The following PDE11A variants were observed in gnomAD, a reference collection of about 807,000 sequenced individuals.
PDE11A encodes phosphodiesterase 11A.
In PDE11A, 100 loss-of-function variants were observed where a neutral mutation model predicts 100.5. That is an observed-to-expected ratio of 1.00 (90% CI 0.85 to 1.18). The LOEUF (loss-of-function observed/expected upper bound fraction) is 1.18, where lower values mean the gene tolerates loss of function less well. Ranked by LOEUF, PDE11A falls within the 50% of genes most tolerant of loss-of-function variation. PDE11A has a pLI of 0.00. For synonymous variants in PDE11A, 381 were observed against 420.8 expected (o/e 0.91, Z 1.16); for missense variants, 1,141 against 1,152.6 (o/e 0.99, Z 0.15).
At chr2:177,693,124 C>T (rs16865625) in intron 15 of PDE11A, among the ~76,000 whole-genome samples, 2,669 of 152,260 alleles carry the variant, frequency 0.018, 76 homozygotes, top group African/African-American at 0.06. Context: ...ACTAATTGTA[C>T]GGGGAGCCTA....
chr2:177,675,366 GC>G (rs1242125134), intron 17 of PDE11A, 88 bp downstream of exon 17: 2 of 927,840 alleles, frequency 2.2e-6, no homozygotes, highest in Non-Finnish European at 3.6e-6. Context: ...GGGTTTCAGT[GC>G]CTGGTAGTCA....
intron 2 of PDE11A, among the ~76,000 whole-genome samples, chr2:177,991,149 C>T (rs2085999100): frequency 6.7e-6 from 1 of 149,834 alleles, no homozygotes; most frequent in Non-Finnish European, 1.5e-5. Context: ...CATGGTAAAA[C>T]CACCATCTCT....
intron 9 of PDE11A, among the ~76,000 whole-genome samples, chr2:177,804,486 T>C (rs1043850345): frequency 4.6e-5 from 7 of 151,746 alleles, no homozygotes; most frequent in African/African-American, 1.4e-4. Context: ...TGATAGGAAT[T>C]AGTAAATCTT....
chr2:177,996,874 C>G (rs1395801636), intron 2 of PDE11A, among the ~76,000 whole-genome samples: 1 of 152,174 alleles, frequency 6.6e-6, no homozygotes, highest in Non-Finnish European at 1.5e-5. Context: ...AATTTCACTA[C>G]ATTTTAGAAT....
At chr2:178,001,526 A>G (rs1274984191) in intron 2 of PDE11A, among the ~76,000 whole-genome samples, 1 of 152,074 alleles carries the variant, frequency 6.6e-6, no homozygotes, top group Non-Finnish European at 1.5e-5. Context: ...TTAGATATCA[A>G]CTCTGATTAC....
chr2:177,863,512 A>G (rs1324804933), intron 5 of PDE11A, among the ~76,000 whole-genome samples: 2 of 152,098 alleles, frequency 1.3e-5, no homozygotes, highest in Non-Finnish European at 2.9e-5. Flanking sequence ...CAATCCAAAA[A>G]TGGGCAAAAA....
intron 6 of PDE11A, among the ~76,000 whole-genome samples, chr2:177,835,899 C>T (rs2083390658): frequency 6.6e-6 from 1 of 152,238 alleles, no homozygotes; most frequent in African/African-American, 2.4e-5. Context: ...TGGGCCTCAG[C>T]TGCCTCCCTG....
At chr2:177,690,007 A>G (rs575258256) in intron 15 of PDE11A, among the ~76,000 whole-genome samples, 9 of 152,286 alleles carry the variant, frequency 5.9e-5, no homozygotes, top group Non-Finnish European at 1.2e-4. Context: ...GAAGGTAAGA[A>G]CCGTGTCCTA....
intron 2 of PDE11A, among the ~76,000 whole-genome samples, chr2:177,961,869 T>A (rs2085637603): frequency 6.6e-6 from 1 of 151,892 alleles, no homozygotes. Context: ...AAGACCAGCC[T>A]GGCCAAATGA....
intron 19 of PDE11A, among the ~76,000 whole-genome samples, chr2:177,663,047 A>C (rs578135936): frequency 1.6e-4 from 24 of 152,314 alleles, no homozygotes; most frequent in African/African-American, 5.3e-4. Context: ...GCTCAGTCTG[A>C]CTGAGCTAGG....
intron 5 of PDE11A, among the ~76,000 whole-genome samples, chr2:177,860,467 C>A (rs186017871): frequency 3.6e-4 from 54 of 151,670 alleles, no homozygotes; most frequent in Non-Finnish European, 4.3e-4. Flanking sequence ...AAAAATATTT[C>A]CACAAAGAAA....
chr2:177,762,587 C>T (rs1054580199), intron 10 of PDE11A, among the ~76,000 whole-genome samples: 1 of 152,108 alleles, frequency 6.6e-6, no homozygotes, highest in Non-Finnish European at 1.5e-5. Context: ...AAAAATGAGC[C>T]CTCCTTTGTT....
At chr2:177,758,627 G>C (rs992911319) in intron 10 of PDE11A, among the ~76,000 whole-genome samples, 3 of 152,206 alleles carry the variant, frequency 2.0e-5, no homozygotes, top group African/African-American at 7.2e-5. Flanking sequence ...CTGGCTGCAT[G>C]CATGCTGCAA....
At chr2:178,070,210 T>A (rs1026225489) in intron 1 of PDE11A, among the ~76,000 whole-genome samples, 1 of 152,208 alleles carries the variant, frequency 6.6e-6, no homozygotes, top group Non-Finnish European at 1.5e-5. Flanking sequence ...CCAAGAAAGA[T>A]ACAATGAATA....
chr2:177,956,987 C>T (rs899944637), intron 2 of PDE11A, among the ~76,000 whole-genome samples: 3 of 151,434 alleles, frequency 2.0e-5, no homozygotes, highest in African/African-American at 4.9e-5. Flanking sequence ...GCCAACATGG[C>T]ACATGTATAC....
At chr2:177,824,359 C>T (rs1295761901) in intron 6 of PDE11A, among the ~76,000 whole-genome samples, 2 of 152,206 alleles carry the variant, frequency 1.3e-5, no homozygotes, top group East Asian at 1.9e-4. Context: ...CAAGAGAGAA[C>T]TTGTCCAACA....
chr2:177,642,938 A>C (rs2080165463), intron 19 of PDE11A, among the ~76,000 whole-genome samples: 1 of 152,160 alleles, frequency 6.6e-6, no homozygotes, highest in South Asian at 2.1e-4. Context: ...TTCCCTGTAC[A>C]AGCTCTCTCT....
At chr2:177,788,361 C>G (rs1330606825) in intron 9 of PDE11A, among the ~76,000 whole-genome samples, 3 of 146,966 alleles carry the variant, frequency 2.0e-5, no homozygotes, top group Non-Finnish European at 4.5e-5. Context: ...ACACCACATA[C>G]CAGAATCTCT....
chr2:177,705,820 G>A (rs2105416401), intron 13 of PDE11A, among the ~76,000 whole-genome samples: 1 of 152,308 alleles, frequency 6.6e-6, no homozygotes, highest in Non-Finnish European at 1.5e-5. Flanking sequence ...CTGGGACCTG[G>A]CCGAAAGCGA....
Sources: allele counts gnomAD v4.1 joint callset (sites outside exome capture counted in the v4.1 genomes callset), GRCh38; gene constraint gnomAD v4.1.1; transcripts MANE v1.5; gene names NCBI Gene and HGNC (gene_info 2026-07-23, HGNC 2026-07-21).